The following MAN2A1 variants were observed in gnomAD, a reference collection of about 807,000 sequenced individuals.
The protein encoded by MAN2A1 is mannosidase alpha class 2A member 1.
Under a neutral mutation model 142.6 loss-of-function variants are expected in MAN2A1, and 76 were observed. The observed-to-expected ratio is 0.53, with a 90% CI of 0.44 to 0.65. The LOEUF (loss-of-function observed/expected upper bound fraction) is 0.65. MAN2A1 is among the 30% of genes least tolerant of loss of function. The pLI, the probability that MAN2A1 is intolerant of heterozygous loss-of-function variation, is 0.00. For missense variants in MAN2A1, 1,311 were observed against 1,365.1 expected, an observed-to-expected ratio of 0.96 and a Z score of 0.62; for synonymous variants, 559 against 473.2, an observed-to-expected ratio of 1.18 and a Z score of -2.35.
rs370080785 is a variant in MAN2A1 at position 109,820,371 on chromosome 5, G to C, written c.2451+29G>C. 1.0e-4 allele frequency: 157 copies of C among 1,577,414 alleles called. No individual in the cohort carries two copies. In the African/African-American group the frequency reaches 1.9e-3, roughly 19 times the overall value. ...AGTGGTACTGATGAGATGACAAATG[G>C]AATAAACACTTATTGAAAGAGTATT... On this transcript the variant is annotated intron_variant, in intron 15 of 21. Transcript: ENST00000261483.
At position 109,842,454 on chromosome 5, in the gene MAN2A1, G is replaced by T; in HGVS notation, c.2693G>T (p.Gly898Val). The T allele has an allele frequency of 6.5e-7, 1 of 1,542,532 alleles. No individual in the cohort carries two copies. Among genetic ancestry groups the T allele is most frequent in the South Asian group, 1.2e-5 (1 of 83,430 alleles). ...SQNRFYTDLN[G>V]YQIQPRMTLS... ...AATAGATTTTATACTGACCTAAATGGGTACCAGGTAATTTTTCCTTTAAAA... is the reference window on the plus strand; with the variant it reads ...AATAGATTTTATACTGACCTAAATGTGTACCAGGTAATTTTTCCTTTAAAA... The change falls in exon 17 of 22, where the codon GGG (glycine) becomes GTG (valine). Residue 898 changes from glycine to valine, a missense_variant. This residue lies in a region of MAN2A1 where 890 missense variants were observed against 920.5 expected (regional missense o/e 0.97). Coordinates refer to ENST00000261483, the MANE Select transcript of MAN2A1 (RefSeq NM_002372.4).
intron 12 of MAN2A1, among the ~76,000 whole-genome samples, chr5:109,806,825 C>T (rs1754178358): frequency 1.3e-5 from 2 of 152,104 alleles, no homozygotes; most frequent in Admixed American, 1.3e-4. Context: ...TGTTTACCTT[C>T]CTTTTGAATC....
intron 16 of MAN2A1, among the ~76,000 whole-genome samples, chr5:109,837,639 A>G (rs1755091389): frequency 6.6e-6 from 1 of 152,162 alleles, no homozygotes; most frequent in East Asian, 1.9e-4. Context: ...AAGCATCAAT[A>G]ACTCTTGGCT....
At position 109,865,043 on chromosome 5, in the gene MAN2A1, A is replaced by G. The variant is rs367746696; in HGVS notation, c.3179A>G (p.Asn1060Ser). The change falls in exon 21 of 22, where the codon AAT (asparagine) becomes AGT (serine). Residue 1060 changes from asparagine (N) to serine (S), a missense_variant. Physicochemically the swap from Asn to Ser is conservative, Grantham distance 46. Coordinates refer to ENST00000261483, the MANE Select transcript of MAN2A1 (RefSeq NM_002372.4). ...NLRTIQSKVGNGHSNEAALIL... is the reference protein window; with the variant it reads ...NLRTIQSKVGSGHSNEAALIL... Reference sequence around the variant, plus strand: ...CATTCTGCTCATTTGCAGGTGGGCAATGGGCACTCCAATGAGGCAGCCTTG... The same window carrying G: ...CATTCTGCTCATTTGCAGGTGGGCAGTGGGCACTCCAATGAGGCAGCCTTG... 599 of 1,613,494 alleles carry G rather than the reference A, an allele frequency of 3.7e-4. 1 individual carries two copies. Among genetic ancestry groups the G allele is most frequent in the Non-Finnish European group, 4.9e-4 (581 of 1,179,600 alleles).
chr5:109,780,510 C>CTG (rs113661582), intron 8 of MAN2A1, among the ~76,000 whole-genome samples: 6,333 of 143,700 alleles, frequency 0.044, 234 homozygotes, highest in African/African-American at 0.11. Flanking sequence ...CTTGCAATAT[C>CTG]TGTGTGTGTG....
chr5:109,713,723 T>G lies in MAN2A1; in HGVS notation c.339T>G (p.Thr113=). 1 of 1,614,074 alleles carries G rather than the reference T, an allele frequency of 6.2e-7. No individual in the cohort carries two copies. The highest frequency in any genetic ancestry group is 8.5e-7 in the Non-Finnish European group (1 of 1,179,956). Residue 113 remains threonine, a synonymous_variant, in exon 2 of 22, where the codon ACT becomes ACG. Coordinates refer to ENST00000261483, the MANE Select transcript of MAN2A1 (RefSeq NM_002372.4). The part of the protein sequence containing the change: ...LPSQLSLSVD[T]ADCLFASQSG... ...CACAATTATCCCTCTCAGTTGACAC[T>G]GCAGACTGTCTGTTTGCTTCACAAA...
At chr5:109,836,105 A>AATT (rs1467853589) in intron 16 of MAN2A1, among the ~76,000 whole-genome samples, 2 of 148,828 alleles carry the variant, frequency 1.3e-5, no homozygotes, top group African/African-American at 5.0e-5. Flanking sequence ...CAATAATAAT[A>AATT]ATTATTGTTA....
chr5:109,709,163 G>C (rs1050505728), intron 1 of MAN2A1, among the ~76,000 whole-genome samples: 2 of 77,084 alleles, frequency 2.6e-5, no homozygotes, highest in South Asian at 6.6e-4. Flanking sequence ...GCACAGGAGG[G>C]TGGAAGCACA....
intron 12 of MAN2A1, among the ~76,000 whole-genome samples, chr5:109,810,757 C>T (rs774728910): frequency 6.6e-6 from 1 of 152,148 alleles, no homozygotes; most frequent in Non-Finnish European, 1.5e-5. Flanking sequence ...TTTTTCCTCT[C>T]TTCAGCAGTT....
chr5:109,835,738 T>G (rs1257943131), intron 16 of MAN2A1, among the ~76,000 whole-genome samples: 1 of 152,134 alleles, frequency 6.6e-6, no homozygotes, highest in South Asian at 2.1e-4. Context: ...GTGGTGAGAG[T>G]GGTGTATGGT....
chr5:109,816,152 A>G (rs1453845074), intron 12 of MAN2A1, among the ~76,000 whole-genome samples: 1 of 152,216 alleles, frequency 6.6e-6, no homozygotes, highest in African/African-American at 2.4e-5. Context: ...GCTGTTGGGT[A>G]CCTCAACTGA....
Position 109,820,202 on chromosome 5 carries a change from A to G in MAN2A1, c.2329-18A>G. 6.3e-7 allele frequency: 1 copy of G among 1,585,188 alleles called. No individual in the cohort carries two copies. The highest frequency in any genetic ancestry group is 8.6e-7 in the Non-Finnish European group (1 of 1,160,896). ...TCTTAGTGGTGAGTTGCTTATTATT[A>G]TTTTTTTTAATCTTTAGCAAATGAT... is the stretch of plus-strand genomic sequence containing the variant. On this transcript the variant is annotated intron_variant, in intron 14 of 21. Coordinates refer to ENST00000261483, the MANE Select transcript of MAN2A1 (RefSeq NM_002372.4).
chr5:109,720,741 A>G (rs922228692), intron 3 of MAN2A1, among the ~76,000 whole-genome samples: 1 of 152,232 alleles, frequency 6.6e-6, no homozygotes, highest in African/African-American at 2.4e-5. Context: ...GTTGAGATGC[A>G]TTCAAAGCCG....
chr5:109,840,903 A>G (rs1043443016), intron 16 of MAN2A1, among the ~76,000 whole-genome samples: 5 of 152,176 alleles, frequency 3.3e-5, no homozygotes, highest in Non-Finnish European at 5.9e-5. Context: ...CAAACCTCAC[A>G]GAGTTAAACT....
chr5:109,710,192 C>G (rs1376440027), intron 1 of MAN2A1, among the ~76,000 whole-genome samples: 1 of 152,202 alleles, frequency 6.6e-6, no homozygotes, highest in East Asian at 1.9e-4. Flanking sequence ...TTAATGATAT[C>G]TTTAAAGCTA....
At chr5:109,740,779 C>A (rs1242966364) in intron 4 of MAN2A1, among the ~76,000 whole-genome samples, 1 of 152,174 alleles carries the variant, frequency 6.6e-6, no homozygotes, top group Non-Finnish European at 1.5e-5. Context: ...AGGGCAGTTG[C>A]AGGTCAGTAC....
intron 16 of MAN2A1, among the ~76,000 whole-genome samples, chr5:109,836,074 C>T (rs1461219211): frequency 6.6e-6 from 1 of 151,850 alleles, no homozygotes; most frequent in Non-Finnish European, 1.5e-5. Flanking sequence ...GCTTGCCCTC[C>T]AGTTTTTCTT....
At chr5:109,718,403 T>C (rs1485054508) in intron 3 of MAN2A1, among the ~76,000 whole-genome samples, 1 of 152,232 alleles carries the variant, frequency 6.6e-6, no homozygotes, top group Non-Finnish European at 1.5e-5. Context: ...GCCAAATGTT[T>C]TACAAACATT....
intron 16 of MAN2A1, among the ~76,000 whole-genome samples, chr5:109,831,804 C>CGTGTGTGTGT (rs1554082232): frequency 9.4e-5 from 14 of 148,400 alleles, no homozygotes; most frequent in Non-Finnish European, 1.6e-4. Flanking sequence ...AAACAAAAAT[C>CGTGTGTGTGT]ATGTGTGTGT....
Sources: allele counts gnomAD v4.1 joint callset (sites outside exome capture counted in the v4.1 genomes callset), GRCh38; gene constraint gnomAD v4.1.1; regional missense constraint gnomAD v4.1.1; transcripts MANE v1.5; gene names NCBI Gene and HGNC (gene_info 2026-07-23, HGNC 2026-07-21).